Variants in CENPV observed in about 807,000 individuals in gnomAD.
The protein encoded by CENPV is centromere protein V.
A neutral mutation model predicts 26.4 loss-of-function variants in CENPV; 15 were observed. That is an observed-to-expected ratio of 0.57 (90% confidence interval 0.38 to 0.88). The LOEUF (loss-of-function observed/expected upper bound fraction) is 0.88, where lower values mean the gene tolerates loss of function less well. CENPV is among the 40% of genes least tolerant of loss of function. The probability of loss-of-function intolerance (pLI) is 0.00; values close to 1 mark genes in which losing one functional copy is unlikely to be tolerated. For synonymous variants in CENPV, 172 were observed against 165.5 expected (o/e 1.04, Z -0.30); for missense variants, 336 against 376.5 (o/e 0.89, Z 0.89).
At chr17:16,348,887 G>A in intron 2 of CENPV, 1 of 1,365,820 alleles carries the variant, frequency 7.3e-7, no homozygotes, top group Middle Eastern at 2.8e-4. Flanking sequence ...TCCCAAGTCA[G>A]CAGTCGAGGT....
chr17:16,353,214 G>A lies in CENPV; in HGVS notation c.223C>T (p.Pro75Ser), dbSNP rs1161299883. Residue 75 changes from proline (P) to serine (S), a missense_variant, in exon 1 of 5, where the codon CCG becomes TCG. Coordinates refer to ENST00000299736, the MANE Select transcript of CENPV (RefSeq NM_181716.3). ...AGCTCAGGCGGCGGCGGCTCCCCCG[G>A]GCCCTCCTCCTGGGCCCGCGGCGAC... ...RSSPRAQEEG[P>S]GEPPPPELAL... 181 of 1,382,720 alleles carry A rather than the reference G, an allele frequency of 1.3e-4. No individual in the cohort carries two copies. The highest frequency in any genetic ancestry group is 1.6e-4 in the Non-Finnish European group (174 of 1,075,146). 85.7% of individuals were successfully genotyped at this position (1,382,720 alleles called of 1,614,324 possible).
At chr17:16,349,546 AAC>A (rs2093221050) in intron 2 of CENPV, 1 of 1,000,958 alleles carries the variant, frequency 1.0e-6, no homozygotes. Context: ...ACCCTTTACT[AAC>A]ATACCCTCCA....
intron 1 of CENPV, 33 bp downstream of exon 1, chr17:16,352,994 C>T (rs1258741345): frequency 6.6e-7 from 1 of 1,516,974 alleles, no homozygotes; most frequent in Non-Finnish European, 8.8e-7. Flanking sequence ...CGCGTGGCAA[C>T]GGCTCCCGCG....
At chr17:16,348,818 G>A in intron 2 of CENPV, 133 bp from the exon 3 acceptor site, 2 of 1,471,716 alleles carry the variant, frequency 1.4e-6, no homozygotes, top group Non-Finnish European at 1.8e-6. Flanking sequence ...CCGAGGAGCT[G>A]GGGCAAAGGC....
intron 4 of CENPV, among the ~76,000 whole-genome samples, chr17:16,344,116 G>C (rs1305969629): frequency 2.0e-5 from 3 of 151,994 alleles, no homozygotes; most frequent in African/African-American, 7.3e-5. Flanking sequence ...CCAAAGTGCT[G>C]GGATACAGGT....
In CENPV at chr17:16,344,752, G is replaced by T. The variant is rs76410968; in HGVS notation, c.580-41C>A. Reference sequence around the variant, plus strand: ...CAAACGGTATTCTTTTTTACAAAGAGATTTATTTATTTAATTTATTTATTT... The same window carrying T: ...CAAACGGTATTCTTTTTTACAAAGATATTTATTTATTTAATTTATTTATTT... On this transcript the variant is annotated intron_variant, in intron 3 of 4. Coordinates refer to ENST00000299736, the MANE Select transcript of CENPV (RefSeq NM_181716.3). The T allele has an allele frequency of 7.8e-6, 9 of 1,154,964 alleles. No individual in the cohort carries two copies. The African/African-American group carries it at 9.8e-5, about 13-fold the overall frequency. The allele number at this position is 1,154,964 out of a possible 1,614,324, so 71.5% of individuals were successfully genotyped here. A position where few individuals can be genotyped will look rare whatever the true frequency, so the allele number is the denominator to read the frequency against.
intron 2 of CENPV, chr17:16,349,521 C>A: frequency 2.0e-6 from 2 of 988,270 alleles, no homozygotes; most frequent in Non-Finnish European, 2.4e-6. Flanking sequence ...GCCTGGGGAG[C>A]CTCCAGGTGT....
intron 3 of CENPV, among the ~76,000 whole-genome samples, chr17:16,347,026 T>C (rs549332202): frequency 6.6e-6 from 1 of 152,066 alleles, no homozygotes; most frequent in South Asian, 2.1e-4. Context: ...GATTTTTTAT[T>C]TTTTGTAGAC....
At chr17:16,346,620 G>A (rs749771383) in intron 3 of CENPV, among the ~76,000 whole-genome samples, 76 of 151,970 alleles carry the variant, frequency 5.0e-4, no homozygotes, top group Middle Eastern at 3.4e-3. Context: ...ATGTGGTGGC[G>A]GGCACCTGTA....
chr17:16,343,022 C>T (rs1229068483), intron 4 of CENPV, 81 bp from the exon 5 acceptor site: 3 of 1,500,046 alleles, frequency 2.0e-6, no homozygotes, highest in Admixed American at 1.8e-5. Context: ...GATAAGCCCC[C>T]ACCTGCAGGC....
intron 3 of CENPV, 27 bp from the exon 4 acceptor site, chr17:16,344,738 CT>C (rs745626341): frequency 3.9e-6 from 5 of 1,268,088 alleles, no homozygotes; most frequent in East Asian, 2.6e-5. Flanking sequence ...AAACGGTATT[CT>C]TTTTTACAAA....
chr17:16,345,550 A>G (rs1239547546), intron 3 of CENPV, among the ~76,000 whole-genome samples: 1 of 152,010 alleles, frequency 6.6e-6, no homozygotes, highest in Non-Finnish European at 1.5e-5. Context: ...AAAAATCTTG[A>G]AATAACTTAA....
In CENPV at chr17:16,344,618, G is replaced by C; in HGVS notation, c.673C>G (p.Arg225Gly). 1 of 1,587,112 alleles carries C rather than the reference G, an allele frequency of 6.3e-7. No homozygotes were observed. Among genetic ancestry groups the C allele is most frequent in the Non-Finnish European group, 8.6e-7 (1 of 1,169,014 alleles). The change falls in exon 4 of 5, where the codon CGA becomes GGA. Residue 225 changes from arginine to glycine, a missense_variant. Coordinates refer to ENST00000299736, the MANE Select transcript of CENPV (RefSeq NM_181716.3). ...TCACCGAAGCCTCCGGGGTTTGATC[G>C]TGGAGTATAGAAGCTCTGAACGCCA... ...RCGVQSFYTP[R>G]SNPGGFGIAP... is the part of the protein sequence containing the mutation.
At chr17:16,350,057 A>G (rs2093222795) in intron 1 of CENPV, 28 bp from the exon 2 acceptor site, 38 of 1,605,970 alleles carry the variant, frequency 2.4e-5, no homozygotes, top group Non-Finnish European at 3.1e-5. Flanking sequence ...CAGAAAGATA[A>G]TAATTTCTGA....
At chr17:16,344,398 T>C (rs1379409379) in intron 4 of CENPV, 199 bp downstream of exon 4, 2 of 338,020 alleles carry the variant, frequency 5.9e-6, no homozygotes, top group Non-Finnish European at 1.1e-5. Flanking sequence ...CATTCAGATA[T>C]GGGATTCAGA....
intron 3 of CENPV, 21 bp from the exon 4 acceptor site, chr17:16,344,732 G>A (rs773230031): frequency 3.0e-6 from 4 of 1,341,638 alleles, no homozygotes; most frequent in South Asian, 1.4e-5. Context: ...ACAGACAAAC[G>A]GTATTCTTTT....
intron 1 of CENPV, 91 bp from the exon 2 acceptor site, chr17:16,350,120 C>T: frequency 6.7e-7 from 1 of 1,489,642 alleles, no homozygotes; most frequent in Non-Finnish European, 9.1e-7. Context: ...GAAGATTAGA[C>T]AAAAGTCTTT....
chr17:16,347,273 C>T (rs1254439965), intron 3 of CENPV, among the ~76,000 whole-genome samples: 1 of 152,046 alleles, frequency 6.6e-6, no homozygotes, highest in Non-Finnish European at 1.5e-5. Flanking sequence ...CCTTGTTAAC[C>T]CTCTTTACGC....
chr17:16,343,262 C>T (rs2093190250), intron 4 of CENPV, among the ~76,000 whole-genome samples: 1 of 152,248 alleles, frequency 6.6e-6, no homozygotes. Context: ...TGCAGAAAGG[C>T]ACAGCCCAGA....
Sources: gnomAD v4.1 joint callset for allele counts (sites outside exome capture counted in the v4.1 genomes callset) on GRCh38, gnomAD v4.1.1 for gene constraint, MANE v1.5 for transcripts, NCBI Gene and HGNC (gene_info 2026-07-23, HGNC 2026-07-21) for gene names.